TPM3: variants seen among roughly 807,000 people sequenced by gnomAD.
TPM3 encodes tropomyosin 3, also known as tropomyosin alpha-3 chain.
In TPM3, 16 loss-of-function variants were observed where a neutral mutation model predicts 43.1. The observed-to-expected ratio is 0.37, with a 90% confidence interval of 0.25 to 0.56. The LOEUF (loss-of-function observed/expected upper bound fraction) is 0.56. Ranked by LOEUF, TPM3 falls within the 20% of genes least tolerant of loss-of-function variation. The pLI is 0.77. For synonymous variants in TPM3, 101 were observed against 116.9 expected (o/e 0.86, Z 0.88); for missense variants, 176 against 337.2 (o/e 0.52, Z 3.74).
chr1:154,158,106 T>C (rs1039734093), downstream of TPM3, among the ~76,000 whole-genome samples: 1 of 152,156 alleles, frequency 6.6e-6, no homozygotes, highest in Admixed American at 6.6e-5. Flanking sequence ...TTGCAAACAA[T>C]AGAAACATCA....
chr1:154,157,808 G>A (rs2148184259), downstream of TPM3: 1 of 773,810 alleles, frequency 1.3e-6, no homozygotes, highest in Non-Finnish European at 2.4e-6. Context: ...CTGTTGCAGA[G>A]AAGCTGCAGA....
chr1:154,185,699 G>A (rs1280361528), intron 2 of TPM3, among the ~76,000 whole-genome samples: 4 of 147,756 alleles, frequency 2.7e-5, no homozygotes, highest in Non-Finnish European at 5.9e-5. Context: ...GACAGAGTGA[G>A]ACACAGTCTG....
At chr1:154,160,336 G>A (rs1283035175), downstream of TPM3, among the ~76,000 whole-genome samples, 1 of 152,194 alleles carries the variant, frequency 6.6e-6, no homozygotes, top group Non-Finnish European at 1.5e-5. Flanking sequence ...CTGCATATGT[G>A]AGCATTGCTC....
Position 154,167,607 on chromosome 1 carries a change from A to G in TPM3, c.*330T>C. The G allele has an allele frequency of 1.6e-6, 2 of 1,221,324 alleles. No homozygotes were observed. 75.7% of individuals were successfully genotyped at this position (1,221,324 alleles called of 1,614,324 possible). On this transcript the variant is annotated 3_prime_UTR_variant, in exon 10 of 10. Coordinates refer to ENST00000651641, the MANE Select transcript of TPM3 (RefSeq NM_152263.4). ...GAGTTTAAATGTCAAGAAAAAATAG[A>G]CACACACAAAAGTGGCTTTGATTAC... is the stretch of plus-strand genomic sequence containing the variant.
At chr1:154,169,418 G>C in intron 8 of TPM3, 35 bp from the exon 9 acceptor site, 1 of 1,607,620 alleles carries the variant, frequency 6.2e-7, no homozygotes, top group Non-Finnish European at 8.5e-7. Context: ...GAGGAATGAG[G>C]GGACAGAGTG....
intron 2 of TPM3, among the ~76,000 whole-genome samples, chr1:154,190,538 T>C (rs1343427417): frequency 1.3e-5 from 2 of 152,214 alleles, no homozygotes; most frequent in African/African-American, 4.8e-5. Flanking sequence ...CTCACGGTCA[T>C]AGAGTGAAGT....
intron 2 of TPM3, among the ~76,000 whole-genome samples, chr1:154,190,212 G>A (rs976715431): frequency 2.4e-4 from 37 of 152,194 alleles, no homozygotes; most frequent in Non-Finnish European, 4.8e-4. Context: ...AAAGTGCTGG[G>A]ATTACAGGCG....
intron 8 of TPM3, chr1:154,170,194 T>G (rs1477272995): frequency 3.4e-6 from 2 of 593,014 alleles, no homozygotes; most frequent in Non-Finnish European, 6.0e-6. Context: ...TTTGGTAAAG[T>G]CTTCTTAAAG....
downstream of TPM3, chr1:154,157,489 AAAGAC>A (rs1659926332): frequency 1.3e-6 from 1 of 747,632 alleles, no homozygotes; most frequent in Admixed American, 1.7e-5. Flanking sequence ...GTTTGGCGAA[AAAGAC>A]ACAGGGAAGG....
At position 154,167,866 on chromosome 1, in the gene TPM3, G is replaced by A. The variant is rs1055820373; in HGVS notation, c.*71C>T. The A allele has an allele frequency of 3.1e-6, 5 of 1,613,658 alleles. No individual in the cohort carries two copies. The highest frequency in any genetic ancestry group is 2.7e-5 in the African/African-American group (2 of 74,916). On this transcript the variant is annotated 3_prime_UTR_variant, in exon 10 of 10. Coordinates refer to ENST00000651641, the MANE Select transcript of TPM3 (RefSeq NM_152263.4). ...CAGGCTGACCCAAATGGAATCCAGA[G>A]CGAGAGTGGGGCCTTGGGTTCCCCG... is the stretch of plus-strand genomic sequence containing the variant.
chr1:154,157,540 A>T, downstream of TPM3: 1 of 765,632 alleles, frequency 1.3e-6, no homozygotes, highest in Non-Finnish European at 2.4e-6. Context: ...CCTTCCAGTT[A>T]AAGATCAGCC....
Position 154,191,174 on chromosome 1 carries a change from T to G in TPM3, c.243+12A>C. The stretch of plus-strand genomic sequence containing the variant: ...GTAGATTAAACCCATCCTCCATCTC[T>G]CTAATACTCACATCAGCAGCCTTCT... On this transcript the variant is annotated intron_variant, in intron 2 of 9. Coordinates refer to ENST00000651641, the MANE Select transcript of TPM3 (RefSeq NM_152263.4). 6.2e-7 allele frequency: 1 copy of G among 1,614,088 alleles called. No homozygotes were observed. Among genetic ancestry groups the G allele is most frequent in the Non-Finnish European group, 8.5e-7 (1 of 1,180,004 alleles).
chr1:154,183,194 A>G, intron 2 of TPM3: 1 of 1,588,518 alleles, frequency 6.3e-7, no homozygotes, highest in Non-Finnish European at 8.5e-7. Context: ...TCTCACCCTT[A>G]CTTCCGCCTG....
At chr1:154,186,962 C>T (rs1199814913) in intron 2 of TPM3, among the ~76,000 whole-genome samples, 1 of 151,686 alleles carries the variant, frequency 6.6e-6, no homozygotes, top group Non-Finnish European at 1.5e-5. Context: ...ATATCTACTT[C>T]AAGATAATAT....
chr1:154,188,055 A>G (rs1371942698), intron 2 of TPM3, among the ~76,000 whole-genome samples: 1 of 151,148 alleles, frequency 6.6e-6, no homozygotes, highest in Non-Finnish European at 1.5e-5. Context: ...AGAAGGGAGA[A>G]TTTTTATCAT....
chr1:154,155,923 G>C (rs369912190), downstream of TPM3: 1 of 197,282 alleles, frequency 5.1e-6, no homozygotes, highest in African/African-American at 2.3e-5. Flanking sequence ...CTAAACATTT[G>C]CTCTATATTA....
intron 2 of TPM3, among the ~76,000 whole-genome samples, chr1:154,176,463 G>A (rs1273005876): frequency 1.3e-5 from 2 of 152,074 alleles, no homozygotes; most frequent in Non-Finnish European, 2.9e-5. Flanking sequence ...ATGTTCCACA[G>A]GAAGAGTGTT....
At chr1:154,177,283 C>T (rs552762763) in intron 2 of TPM3, among the ~76,000 whole-genome samples, 2 of 152,242 alleles carry the variant, frequency 1.3e-5, no homozygotes, top group South Asian at 4.1e-4. Flanking sequence ...CCACCACACC[C>T]ACTACCATTC....
At chr1:154,170,732 A>T in intron 6 of TPM3, 21 bp from the exon 7 acceptor site, 1 of 1,561,862 alleles carries the variant, frequency 6.4e-7, no homozygotes, top group African/African-American at 1.4e-5. Flanking sequence ...AGTAGATTAA[A>T]AATTTCAGAG....
Sources: allele counts gnomAD v4.1 joint callset (sites outside exome capture counted in the v4.1 genomes callset), GRCh38; gene constraint gnomAD v4.1.1; transcripts MANE v1.5; gene names NCBI Gene and HGNC (gene_info 2026-07-23, HGNC 2026-07-21).